Variants in MLXIPL observed in about 807,000 individuals in gnomAD.
MLXIPL encodes the protein MLX interacting protein like, also known as carbohydrate-responsive element-binding protein.
A neutral mutation model predicts 81.5 loss-of-function variants in MLXIPL; 49 were observed. The ratio of observed to expected loss-of-function variants is 0.60; its 90% confidence interval spans 0.48 to 0.76. The LOEUF (loss-of-function observed/expected upper bound fraction) is 0.76. Among genes scored for constraint, MLXIPL ranks in the 30% least tolerant of loss-of-function variants. The pLI, the probability that MLXIPL is intolerant of heterozygous loss-of-function variation, is 0.00. For missense variants in MLXIPL, 1,053 were observed against 1,167.0 expected (o/e 0.90, Z 1.42); for synonymous variants, 466 against 485.5 (o/e 0.96, Z 0.53).
Position 73,596,852 on chromosome 7 carries a change from C to T in MLXIPL, c.1671+13G>A. 1 of 1,610,534 alleles carries T rather than the reference C, an allele frequency of 6.2e-7. No homozygotes were observed. The highest frequency in any genetic ancestry group is 8.5e-7 in the Non-Finnish European group (1 of 1,179,156). On this transcript the variant is annotated intron_variant, in intron 10 of 16. Transcript: ENST00000313375. This position sits in a 1 kb window ranked among gnomAD's most constrained non-coding sequence, Gnocchi z 4.7. The stretch of plus-strand genomic sequence containing the variant: ...GTGGGCACAGCCCCACCGCCCAGTG[C>T]CCGAGATCTTACCGGGGACCCTGGG...
At chr7:73,601,242 C>A (rs1409074853) in intron 7 of MLXIPL, among the ~76,000 whole-genome samples, 1 of 151,228 alleles carries the variant, frequency 6.6e-6, no homozygotes, top group Non-Finnish European at 1.5e-5. Context: ...CAACCCCATC[C>A]CCCAGAGATA....
chr7:73,605,255 A>G (rs1338100362), intron 7 of MLXIPL, among the ~76,000 whole-genome samples: 1 of 151,590 alleles, frequency 6.6e-6, no homozygotes, highest in African/African-American at 2.4e-5. Context: ...ACCAGGAAGA[A>G]CCCTCAGAAA....
At chr7:73,646,766 C>G in the MLXIPL span, among the ~76,000 whole-genome samples, 1 of 152,284 alleles carries the variant, frequency 6.6e-6, no homozygotes, top group Admixed American at 6.5e-5. Context: ...TGAGACTTCT[C>G]CTGCATCTGA....
intron 5 of MLXIPL, chr7:73,606,396 T>TG (rs1554598134): frequency 8.8e-6 from 3 of 342,242 alleles, no homozygotes; most frequent in African/African-American, 6.8e-5. Context: ...GTCCCTCTGG[T>TG]TTTTTTTTTT....
intron 7 of MLXIPL, among the ~76,000 whole-genome samples, chr7:73,602,130 G>GCCTGCCTGCCTGCCTGCCTTCCTTCCTT (rs1461829446): frequency 7.4e-5 from 6 of 80,548 alleles, no homozygotes; most frequent in Admixed American, 2.9e-4. Flanking sequence ...CTGCCTGCCT[G>GCCTGCCTGCCTGCCTGCCTTCCTTCCTT]CCTTCCTTCC....
At chr7:73,634,655 A>G in the MLXIPL span, among the ~76,000 whole-genome samples, 1 of 151,892 alleles carries the variant, frequency 6.6e-6, no homozygotes, top group Non-Finnish European at 1.5e-5. Flanking sequence ...TCGGCCTCCC[A>G]AAGTGCCGGG....
chr7:73,624,429 C>A lies in MLXIPL; in HGVS notation c.64G>T (p.Asp22Tyr). 1.9e-6 allele frequency: 3 copies of A among 1,560,422 alleles called. No homozygotes were observed. The South Asian group carries it at 3.5e-5, about 18-fold the overall frequency. ...LQVPRVAPSP[D>Y]SDSDTDSEDP... ...TCCGAGTCTGTGTCCGAGTCCGAGT[C>A]TGGGCTGGGCGCGACCCGCGGGACC... is the stretch of plus-strand genomic sequence containing the variant. The change falls in exon 1 of 17, where the codon GAC (aspartate) becomes TAC (tyrosine). Residue 22 changes from aspartate (D) to tyrosine (Y), a missense_variant. By Grantham distance (160) the Asp-to-Tyr change is radical. Transcript: ENST00000313375.
chr7:73,632,174 A>T, the MLXIPL span, among the ~76,000 whole-genome samples: 2 of 150,296 alleles, frequency 1.3e-5, no homozygotes, highest in East Asian at 1.9e-4. Flanking sequence ...TTATTTATTT[A>T]TTTTTTTTGT....
At chr7:73,638,313 T>A in the MLXIPL span, among the ~76,000 whole-genome samples, 2 of 152,206 alleles carry the variant, frequency 1.3e-5, no homozygotes, top group African/African-American at 4.8e-5. Flanking sequence ...TATATTTATT[T>A]TATTTTTTGG....
intron 8 of MLXIPL, among the ~76,000 whole-genome samples, 163 bp from the exon 9 acceptor site, chr7:73,597,876 C>A (rs927635170): frequency 6.6e-6 from 1 of 152,070 alleles, no homozygotes; most frequent in Non-Finnish European, 1.5e-5. Context: ...CACAGGTGTG[C>A]GAACATATAC....
the MLXIPL span, among the ~76,000 whole-genome samples, chr7:73,640,369 C>T: frequency 6.8e-6 from 1 of 146,428 alleles, no homozygotes; most frequent in African/African-American, 2.6e-5. Flanking sequence ...TGCATCACTA[C>T]ACTTCCTGGG....
chr7:73,593,743 C>G lies in MLXIPL; in HGVS notation c.*122G>C. On this transcript the variant is annotated 3_prime_UTR_variant, in exon 17 of 17. Coordinates refer to ENST00000313375, the MANE Select transcript of MLXIPL (RefSeq NM_032951.3). ...TGAAACCTGGACCCTGCTCCACCCC[C>G]CAGGGAAGGGCAGAGCCAGGGCCTG... 1.1e-6 allele frequency: 1 copy of G among 910,244 alleles called. No homozygotes were observed. The highest frequency in any genetic ancestry group is 1.8e-6 in the Non-Finnish European group (1 of 548,962). The allele number at this position is 910,244 out of a possible 1,614,324, so 56.4% of individuals were successfully genotyped here. A position where few individuals can be genotyped will look rare whatever the true frequency, so the allele number is the denominator to read the frequency against.
the MLXIPL span, among the ~76,000 whole-genome samples, chr7:73,633,760 T>C: frequency 6.6e-6 from 1 of 152,108 alleles, no homozygotes; most frequent in Admixed American, 6.6e-5. Context: ...TGGCTGATAG[T>C]CTGGAGTTTG....
chr7:73,617,570 C>T (rs962499472), intron 1 of MLXIPL, among the ~76,000 whole-genome samples: 12 of 151,988 alleles, frequency 7.9e-5, no homozygotes, highest in Non-Finnish European at 1.5e-4. Context: ...ATGGGCTGGG[C>T]GCGGTAGCTC....
chr7:73,634,244 G>A, the MLXIPL span, among the ~76,000 whole-genome samples: 5 of 152,096 alleles, frequency 3.3e-5, no homozygotes, highest in East Asian at 1.9e-4. Flanking sequence ...CAAAAATTAC[G>A]AGTTTGCCAG....
the MLXIPL span, among the ~76,000 whole-genome samples, chr7:73,638,116 C>A: frequency 2.8e-4 from 42 of 152,266 alleles, no homozygotes; most frequent in Non-Finnish European, 5.3e-4. Context: ...GTTCAACCAA[C>A]AAAACCACCA....
intron 2 of MLXIPL, among the ~76,000 whole-genome samples, chr7:73,608,442 C>T (rs1392847441): frequency 6.6e-6 from 1 of 152,094 alleles, no homozygotes; most frequent in African/African-American, 2.4e-5. Context: ...CAAAAATTAG[C>T]CGAGCATGGC....
chr7:73,613,479 G>A (rs140415982), intron 2 of MLXIPL, among the ~76,000 whole-genome samples: 48 of 152,142 alleles, frequency 3.2e-4, no homozygotes, highest in African/African-American at 1.1e-3. Context: ...TGCGCCTGTA[G>A]TCCCAGTTAC....
At chr7:73,602,181 T>TTCCTTC in intron 7 of MLXIPL, among the ~76,000 whole-genome samples, 1 of 148,030 alleles carries the variant, frequency 6.8e-6, no homozygotes, top group African/African-American at 2.5e-5. Context: ...TCCCTCTCTC[T>TTCCTTC]CTTTCTTTCA....
Sources: gnomAD v4.1 joint callset for allele counts (sites outside exome capture counted in the v4.1 genomes callset) on GRCh38, gnomAD v4.1.1 for gene constraint, Gnocchi (gnomAD v3.1) non-coding constraint, MANE v1.5 for transcripts, NCBI Gene and HGNC (gene_info 2026-07-23, HGNC 2026-07-21) for gene names.